BCAT1: variants seen among roughly 807,000 people sequenced by gnomAD.
BCAT1 encodes branched chain amino acid transaminase 1.
A neutral mutation model predicts 52.4 loss-of-function variants in BCAT1; 48 were observed. The observed-to-expected ratio is 0.92, with a 90% CI of 0.73 to 1.16. The LOEUF (loss-of-function observed/expected upper bound fraction) is 1.16. Among genes scored for constraint, BCAT1 ranks in the 50% most tolerant of loss-of-function variants. The pLI, the probability that BCAT1 is intolerant of heterozygous loss-of-function variation, is 0.00. For missense variants in BCAT1, 451 were observed against 457.1 expected (o/e 0.99, Z 0.12); for synonymous variants, 167 against 161.3 (o/e 1.04, Z -0.27).
intron 1 of BCAT1, among the ~76,000 whole-genome samples, chr12:24,930,546 T>C (rs1296463632): frequency 1.3e-5 from 2 of 152,324 alleles, no homozygotes; most frequent in East Asian, 1.9e-4. Context: ...AGTCAAGTGT[T>C]CGCAAGCTAC....
intron 1 of BCAT1, among the ~76,000 whole-genome samples, chr12:24,940,681 A>G (rs1943835547): frequency 6.6e-6 from 1 of 152,252 alleles, no homozygotes; most frequent in African/African-American, 2.4e-5. Context: ...GTTGATGTGT[A>G]TAACCAAAAG....
At chr12:24,824,222 G>A (rs1940276862) in intron 10 of BCAT1, among the ~76,000 whole-genome samples, 1 of 117,748 alleles carries the variant, frequency 8.5e-6, no homozygotes, top group South Asian at 2.7e-4. Flanking sequence ...CAAATCAAAT[G>A]AGTTTACATT....
At chr12:24,863,036 T>A (rs1941894250) in intron 5 of BCAT1, among the ~76,000 whole-genome samples, 1 of 152,210 alleles carries the variant, frequency 6.6e-6, no homozygotes, top group African/African-American at 2.4e-5. Flanking sequence ...TCCAGGTTTA[T>A]TTGCCAGCCC....
intron 1 of BCAT1, among the ~76,000 whole-genome samples, chr12:24,946,328 G>A (rs910871946): frequency 4.6e-5 from 7 of 152,210 alleles, no homozygotes; most frequent in Middle Eastern, 3.4e-3. Context: ...GTCAGCCTAC[G>A]GACAAAACTG....
chr12:24,849,318 T>C (rs1425824663), intron 6 of BCAT1, among the ~76,000 whole-genome samples: 1 of 152,206 alleles, frequency 6.6e-6, no homozygotes, highest in Non-Finnish European at 1.5e-5. Flanking sequence ...TCTGTGGCAA[T>C]GAAGACAGCA....
intron 10 of BCAT1, among the ~76,000 whole-genome samples, chr12:24,829,210 C>T (rs1329818936): frequency 1.3e-5 from 2 of 151,476 alleles, no homozygotes; most frequent in African/African-American, 4.9e-5. Flanking sequence ...ATGGTGAAAT[C>T]CCATCTCTAC....
chr12:24,899,769 C>A (rs1943045721), intron 2 of BCAT1, among the ~76,000 whole-genome samples: 1 of 135,600 alleles, frequency 7.4e-6, no homozygotes, highest in South Asian at 2.3e-4. Flanking sequence ...CGAAATAAGC[C>A]AAACACAGAA....
intron 1 of BCAT1, among the ~76,000 whole-genome samples, chr12:24,946,849 A>G (rs1466583606): frequency 1.3e-5 from 2 of 152,252 alleles, no homozygotes; most frequent in Admixed American, 6.5e-5. Context: ...ACTCATTTCA[A>G]ATAATTAGAT....
intron 7 of BCAT1, among the ~76,000 whole-genome samples, chr12:24,839,029 G>A (rs191148571): frequency 6.6e-6 from 1 of 152,250 alleles, no homozygotes; most frequent in Non-Finnish European, 1.5e-5. Context: ...GCTGTTTACC[G>A]TTTTAAGCTC....
intron 5 of BCAT1, among the ~76,000 whole-genome samples, chr12:24,863,942 A>G (rs1941925955): frequency 6.6e-6 from 1 of 152,064 alleles, no homozygotes; most frequent in Admixed American, 6.5e-5. Flanking sequence ...AAAAAAAAAA[A>G]GAAGCCATGC....
Position 24,901,878 on chromosome 12 carries a change from C to T in BCAT1, c.14G>A (p.Ser5Asn). 6.2e-7 allele frequency: 1 copy of T among 1,614,032 alleles called. No individual in the cohort carries two copies. The highest frequency in any genetic ancestry group is 8.5e-7 in the Non-Finnish European group (1 of 1,179,896). The change falls in exon 2 of 11, where the codon AGT (serine) becomes AAT (asparagine). Residue 5 changes from serine (S) to asparagine (N), a missense_variant. Ser to Asn is a conservative substitution (Grantham distance 46, BLOSUM62 1). Transcript: ENST00000261192. The stretch of plus-strand genomic sequence containing the variant: ...GGTACACTCTGCGGAGCATCCGTTA[C>T]TGCAATCCTTAAAGAAGAATTAAAC... MKDC[S>N]NGCSAECTGE...
chr12:24,836,678 C>T (rs949231808), intron 7 of BCAT1, 82 bp from the exon 8 acceptor site: 9 of 1,202,806 alleles, frequency 7.5e-6, no homozygotes, highest in East Asian at 5.1e-5. Flanking sequence ...TTTTAAAAAA[C>T]CATCACAATT....
intron 1 of BCAT1, among the ~76,000 whole-genome samples, chr12:24,921,271 T>A (rs1315198902): frequency 6.6e-6 from 1 of 152,196 alleles, no homozygotes; most frequent in Non-Finnish European, 1.5e-5. Context: ...GGATTTTTAG[T>A]ACTTGTATGC....
At chr12:24,924,376 T>C in intron 1 of BCAT1, among the ~76,000 whole-genome samples, 1 of 152,248 alleles carries the variant, frequency 6.6e-6, no homozygotes, top group East Asian at 1.9e-4. Flanking sequence ...CTCAAAGTCT[T>C]GTGCCACAAA....
chr12:24,899,778 A>G (rs1254696130), intron 2 of BCAT1, among the ~76,000 whole-genome samples: 1 of 73,632 alleles, frequency 1.4e-5, no homozygotes, highest in African/African-American at 4.1e-5. Flanking sequence ...CCAAACACAG[A>G]AAAAAAAAAA....
At chr12:24,832,509 G>T (rs766802215) in intron 9 of BCAT1, among the ~76,000 whole-genome samples, 2 of 152,138 alleles carry the variant, frequency 1.3e-5, no homozygotes, top group African/African-American at 4.8e-5. Context: ...GTTTGAGGCT[G>T]CAGTGAGCTA....
chr12:24,932,758 T>C (rs531232264), intron 1 of BCAT1, among the ~76,000 whole-genome samples: 10 of 152,330 alleles, frequency 6.6e-5, no homozygotes, highest in African/African-American at 2.4e-4. Context: ...TGCCTCAGCC[T>C]CCTGAGTAGC....
intron 5 of BCAT1, among the ~76,000 whole-genome samples, chr12:24,874,900 A>G (rs1942284885): frequency 6.6e-6 from 1 of 152,192 alleles, no homozygotes; most frequent in South Asian, 2.1e-4. Flanking sequence ...AGATTTATTC[A>G]TTCAAAGAAA....
At chr12:24,944,480 G>A (rs1943905467) in intron 1 of BCAT1, among the ~76,000 whole-genome samples, 1 of 152,182 alleles carries the variant, frequency 6.6e-6, no homozygotes, top group Non-Finnish European at 1.5e-5. Flanking sequence ...AGAGACAGCT[G>A]TGGAATGTTT....
Sources: allele counts gnomAD v4.1 joint callset (sites outside exome capture counted in the v4.1 genomes callset), GRCh38; gene constraint gnomAD v4.1.1; transcripts MANE v1.5; gene names NCBI Gene and HGNC (gene_info 2026-07-23, HGNC 2026-07-21).